KIF21B: variants seen among roughly 807,000 people sequenced by gnomAD.
KIF21B encodes kinesin family member 21B, also known as kinesin-like protein KIF21B.
KIF21B carries 85 observed loss-of-function variants against 192.9 expected under a neutral mutation model. The ratio of observed to expected loss-of-function variants is 0.44; its 90% CI spans 0.37 to 0.53. KIF21B has a LOEUF of 0.53. Ranked by LOEUF, KIF21B falls within the 20% of genes least tolerant of loss-of-function variation. The pLI is 0.00. For missense variants in KIF21B, 1,716 were observed against 2,194.8 expected (o/e 0.78, Z 4.36); for synonymous variants, 832 against 884.6 (o/e 0.94, Z 1.05).
rs1657708643 is a variant in KIF21B, at chr1:201,004,840, C to T, written c.826G>A (p.Gly276Ser). 3.1e-6 allele frequency: 5 copies of T among 1,614,030 alleles called. No homozygotes were observed. The highest frequency in any genetic ancestry group is 1.1e-5 in the South Asian group (1 of 91,086). Residue 276 changes from glycine to serine, a missense_variant, in exon 6 of 35, where the codon GGC (glycine) becomes AGC (serine). Coordinates refer to ENST00000461742, the MANE Select transcript of KIF21B (RefSeq NM_001252102.2). ...TAKFHFVDLA[G>S]SERLKRTGAT... ...CCTGTCCGCTTCAGCCGCTCTGAGC[C>T]GGCCAGGTCCACAAAGTGAAACTTA...
chr1:200,986,903 T>C lies in KIF21B; in HGVS notation c.3630A>G (p.Arg1210=), dbSNP rs1656338806. 1 of 1,613,906 alleles carries C rather than the reference T, an allele frequency of 6.2e-7. No individual in the cohort carries two copies. Among genetic ancestry groups the C allele is most frequent in the Non-Finnish European group, 8.5e-7 (1 of 1,179,886 alleles). ...TRGSTFPRQS[R]ATETSPLTRR... ...TCGTCAGCGGGGACGTCTCTGTGGC[T>C]CGAGATTGCCTAGGGCTACAACAGA... The change falls in exon 26 of 35, where the codon CGA becomes CGG. Residue 1210 remains arginine, a synonymous_variant. Coordinates refer to ENST00000461742, the MANE Select transcript of KIF21B (RefSeq NM_001252102.2).
rs376521239 is a variant in KIF21B at position 200,993,960 on chromosome 1, A to G, written c.2278-1571T>C. ...AATGAGTGTTCTCCCAAAGGACTGG[A>G]AGAACAAGTCAGACCCTCGGCTAAA... On this transcript the variant is annotated intron_variant, in intron 15 of 34. Coordinates refer to ENST00000461742, the MANE Select transcript of KIF21B (RefSeq NM_001252102.2). Among the ~76,000 whole-genome samples, 268 of 151,484 alleles carry G rather than the reference A, an allele frequency of 1.8e-3. 2 individuals carry two copies. The highest frequency in any genetic ancestry group is 6.0e-3 in the African/African-American group (247 of 41,268).
rs760845636 is a variant in KIF21B at position 200,984,912 on chromosome 1, G to A, written c.3750C>T (p.Arg1250=). The A allele has an allele frequency of 6.2e-7, 1 of 1,607,570 alleles. No individual in the cohort carries two copies. Among genetic ancestry groups the A allele is most frequent in the South Asian group, 1.1e-5 (1 of 90,180 alleles). Residue 1250 remains arginine, a synonymous_variant, in exon 27 of 35, where the codon CGC becomes CGT. Transcript: ENST00000461742. ...TACTGGTGAGACGAGAGAAGACATT[G>A]CGGTCATTGCGGGGCCGAGTGGGAG... is the stretch of plus-strand genomic sequence containing the variant. ...SSPPTRPRND[R]NVFSRLTSNQ...
intron 9 of KIF21B, among the ~76,000 whole-genome samples, chr1:201,001,064 AC>A (rs1553241003): frequency 6.7e-6 from 1 of 150,030 alleles, no homozygotes; most frequent in Non-Finnish European, 1.5e-5. Flanking sequence ...CCAAGATCAC[AC>A]CATTGCACTC....
chr1:201,009,551 C>T, intron 1 of KIF21B, 63 bp from the exon 2 acceptor site: 10 of 1,442,032 alleles, frequency 6.9e-6, no homozygotes, highest in South Asian at 6.3e-5. Context: ...ACAGGCCCCT[C>T]CCTCACACTG....
chr1:200,973,388 G>A lies in KIF21B; in HGVS notation c.*133C>T, dbSNP rs1373658757. On this transcript the variant is annotated 3_prime_UTR_variant, in exon 35 of 35. Transcript: ENST00000461742. ...TCCTGTGGGAAGGCCAAGGGAGAGG[G>A]AGGAGGGCAGGAGAGGGGGCCACGC... The A allele has an allele frequency of 8.8e-7, 1 of 1,137,014 alleles. No individual in the cohort carries two copies. The highest frequency in any genetic ancestry group is 1.6e-5 in the African/African-American group (1 of 61,002). The allele number at this position is 1,137,014 out of a possible 1,614,324, so 70.4% of individuals were successfully genotyped here.
Position 201,011,609 on chromosome 1 carries a change from G to A in KIF21B, c.42-2121C>T, listed in dbSNP as rs535882402. ...AGGAGGAGCGTGGCATTGCACACAG[G>A]TACTGAACAGGAAACTGTCTTTTAG... On this transcript the variant is annotated intron_variant, in intron 1 of 34. Coordinates refer to ENST00000461742, the MANE Select transcript of KIF21B (RefSeq NM_001252102.2). Among the ~76,000 whole-genome samples, 20 of 152,368 alleles carry A rather than the reference G, an allele frequency of 1.3e-4. No homozygotes were observed. In the South Asian group the frequency reaches 4.1e-3, roughly 32 times the overall value.
In KIF21B at chr1:200,998,592, A is replaced by C. The variant is rs1558014767; in HGVS notation, c.1886-17T>G. On this transcript the variant is annotated splice_polypyrimidine_tract_variant and intron_variant, in intron 13 of 34. Coordinates refer to ENST00000461742, the MANE Select transcript of KIF21B (RefSeq NM_001252102.2). This position sits in a 1 kb window ranked among gnomAD's most constrained non-coding sequence, Gnocchi z 4.3. ...AGTTCACCTCTATGGGGGCACAATC[A>C]GGCTCAGCCCAGCGTTAGGGCGAGG... The C allele has an allele frequency of 6.2e-7, 1 of 1,610,692 alleles. No individual in the cohort carries two copies. The highest frequency in any genetic ancestry group is 1.7e-5 in the Admixed American group (1 of 59,970).
intron 30 of KIF21B, among the ~76,000 whole-genome samples, chr1:200,978,206 T>C (rs1394537477): frequency 6.6e-6 from 1 of 151,942 alleles, no homozygotes; most frequent in Admixed American, 6.6e-5. Context: ...TGCGCCACCA[T>C]GCCTGGCTAA....
At position 200,976,816 on chromosome 1, in the gene KIF21B, T is replaced by C; in HGVS notation, c.4403A>G (p.His1468Arg). Residue 1468 changes from histidine (H) to arginine (R), a missense_variant, in exon 32 of 35, where the codon CAT becomes CGT. Physicochemically the swap from His to Arg is conservative, Grantham distance 29 (BLOSUM62 0). Transcript: ENST00000461742. ...CLTVTQTASQ[H>R]DLVVTGSKDH... ...CTTGGAGCCAGTCACCACGAGGTCA[T>C]GCTGGCTGGCCGTCTGGGTGACCGT... 2 of 1,613,714 alleles carry C rather than the reference T, an allele frequency of 1.2e-6. No homozygotes were observed. Among genetic ancestry groups the C allele is most frequent in the Non-Finnish European group, 1.7e-6 (2 of 1,179,748 alleles).
chr1:201,006,207 G>A (rs1657812433), intron 3 of KIF21B, among the ~76,000 whole-genome samples: 1 of 152,256 alleles, frequency 6.6e-6, no homozygotes, highest in Non-Finnish European at 1.5e-5. Context: ...ATGCTTGGCA[G>A]CGGGTGGGCA....
Position 200,982,919 on chromosome 1 carries a change from G to A in KIF21B, c.3842+137C>T, listed in dbSNP as rs1656036723. 2 of 767,036 alleles carry A rather than the reference G, an allele frequency of 2.6e-6. No individual in the cohort carries two copies. The highest frequency in any genetic ancestry group is 4.4e-6 in the Non-Finnish European group (2 of 450,734). The allele number at this position is 767,036 out of a possible 1,614,324, so 47.5% of individuals were successfully genotyped here. On this transcript the variant is annotated intron_variant, in intron 28 of 34. Coordinates refer to ENST00000461742, the MANE Select transcript of KIF21B (RefSeq NM_001252102.2). This position sits in a 1 kb window ranked among gnomAD's most constrained non-coding sequence, Gnocchi z 4.7. Reference sequence around the variant, plus strand: ...GGGCAGGAACAGGTCTGGAGAGGGGGGCAGCAGGAAGGGGAGTGGAGGGGC... The same window carrying A: ...GGGCAGGAACAGGTCTGGAGAGGGGAGCAGCAGGAAGGGGAGTGGAGGGGC...
chr1:200,988,265 C>G (rs769754369), intron 24 of KIF21B, 31 bp downstream of exon 24: 2 of 1,604,784 alleles, frequency 1.2e-6, no homozygotes, highest in Admixed American at 3.3e-5. Context: ...GGCCCTGCTG[C>G]ACCCACTGCC....
Position 200,972,012 on chromosome 1 carries a change from A to G in KIF21B, c.*1509T>C, listed in dbSNP as rs1457050307. On this transcript the variant is annotated 3_prime_UTR_variant, in exon 35 of 35. Transcript: ENST00000461742. ...TGGCTCCCAGACTGAAGCGGGAAGC[A>G]CAAGACCAGCGATGCAACGGAAAAA... is the stretch of plus-strand genomic sequence containing the variant. The G allele has an allele frequency of 6.7e-6, 1 of 148,942 alleles. No homozygotes were observed. Among genetic ancestry groups the G allele is most frequent in the Non-Finnish European group, 1.5e-5 (1 of 67,308 alleles). 9.2% of individuals were successfully genotyped at this position (148,942 alleles called of 1,614,324 possible). A position where few individuals can be genotyped will look rare whatever the true frequency, so the allele number is the denominator to read the frequency against.
At chr1:200,997,347 C>T in intron 14 of KIF21B, among the ~76,000 whole-genome samples, 1 of 151,956 alleles carries the variant, frequency 6.6e-6, no homozygotes, top group East Asian at 1.9e-4. Context: ...TTGGCATCTC[C>T]TGTTCCCTCT....
At chr1:200,997,402 A>G (rs998689668) in intron 14 of KIF21B, among the ~76,000 whole-genome samples, 4 of 152,134 alleles carry the variant, frequency 2.6e-5, no homozygotes, top group African/African-American at 9.7e-5. Flanking sequence ...TAGCACTATC[A>G]ACTCCTTCAA....
In KIF21B at chr1:200,999,848, G is replaced by A; in HGVS notation, c.1767+35C>T. On this transcript the variant is annotated intron_variant, in intron 12 of 34. Transcript: ENST00000461742. This position sits in a 1 kb window ranked among gnomAD's most constrained non-coding sequence, Gnocchi z 4.7. ...CAACCCCAGCAGGGACACAAGGCAT[G>A]CATGTGGTGAGGTGGGGCGGCCCGT... is the stretch of plus-strand genomic sequence containing the variant. The A allele has an allele frequency of 6.2e-7, 1 of 1,605,098 alleles. No individual in the cohort carries two copies. The highest frequency in any genetic ancestry group is 8.5e-7 in the Non-Finnish European group (1 of 1,173,732).
intron 26 of KIF21B, among the ~76,000 whole-genome samples, chr1:200,985,480 C>A (rs895402499): frequency 6.6e-6 from 1 of 151,972 alleles, no homozygotes; most frequent in Non-Finnish European, 1.5e-5. Context: ...GAAGTAAGAC[C>A]CTATCTCTAA....
chr1:200,989,658 A>G (rs1044590430), intron 21 of KIF21B, among the ~76,000 whole-genome samples: 8 of 152,368 alleles, frequency 5.3e-5, no homozygotes, highest in Middle Eastern at 3.4e-3. Flanking sequence ...CTTGGGCCAG[A>G]CACCCAGAGT....
Sources: allele counts gnomAD v4.1 joint callset (sites outside exome capture counted in the v4.1 genomes callset), GRCh38; gene constraint gnomAD v4.1.1; non-coding constraint Gnocchi (gnomAD v3.1); transcripts MANE v1.5; gene names NCBI Gene and HGNC (gene_info 2026-07-23, HGNC 2026-07-21).